Variants in ZNF593OS observed in about 807,000 individuals in gnomAD.
ZNF593OS encodes transmembrane protein ZNF593OS.
exon 2 of ZNF593OS, chr1:26,170,820 C>T (rs770545528): frequency 4.6e-5 from 66 of 1,423,902 alleles, no homozygotes; most frequent in Non-Finnish European, 6.0e-5. Context: ...GTTTGGGGAG[C>T]GGAGGGCCTC....
chr1:26,170,775 C>T (rs1264193774), exon 2 of ZNF593OS: 2 of 1,561,138 alleles, frequency 1.3e-6, no homozygotes, highest in African/African-American at 1.4e-5. Flanking sequence ...AAGGACTAGG[C>T]TGGGAGGGAG....
At position 26,171,725 on chromosome 1, in the gene ZNF593OS, T is replaced by G; in HGVS notation, c.-64A>C. ...GGAGCGGACGTGAAGACCAGTGGTCTTCATGACACCAAGAAGTGGAAACTA... is the reference window on the plus strand; with the variant it reads ...GGAGCGGACGTGAAGACCAGTGGTCGTCATGACACCAAGAAGTGGAAACTA... On this transcript the variant is annotated 5_prime_UTR_variant, in exon 1 of 2. Transcript: ENST00000648649. The surrounding 1 kb of genome is among the most constrained non-coding windows in gnomAD (Gnocchi z 5.5). 5.0e-6 allele frequency: 2 copies of G among 398,472 alleles called. No homozygotes were observed. The highest frequency in any genetic ancestry group is 8.8e-6 in the Non-Finnish European group (2 of 226,012). The allele number at this position is 398,472 out of a possible 1,614,324, so 24.7% of individuals were successfully genotyped here. A position where few individuals can be genotyped will look rare whatever the true frequency, so the allele number is the denominator to read the frequency against.
rs1046049244 is a variant in ZNF593OS at position 26,171,123 on chromosome 1, T to G, written c.*66A>C. On this transcript the variant is annotated 3_prime_UTR_variant, in exon 2 of 2. Transcript: ENST00000648649. The surrounding 1 kb of genome is among the most constrained non-coding windows in gnomAD (Gnocchi z 5.5). ...AGACTGATCCCCAGAAAAGAAGGCT[T>G]CTGAGATTGCACCCCCCTCCCGAGT... The G allele has an allele frequency of 1.7e-5, 7 of 410,576 alleles. No individual in the cohort carries two copies. Among genetic ancestry groups the G allele is most frequent in the Admixed American group, 4.0e-5 (1 of 24,952 alleles). The allele number at this position is 410,576 out of a possible 1,614,324, so 25.4% of individuals were successfully genotyped here. A position where few individuals can be genotyped will look rare whatever the true frequency, so the allele number is the denominator to read the frequency against.
chr1:26,170,978 T>C, exon 2 of ZNF593OS: 1 of 577,402 alleles, frequency 1.7e-6, no homozygotes, highest in Non-Finnish European at 3.1e-6. Flanking sequence ...ACTCCCCACT[T>C]GGTCTATCTC....
At chr1:26,170,733 A>C in exon 2 of ZNF593OS, 1 of 1,597,826 alleles carries the variant, frequency 6.3e-7, no homozygotes, top group Non-Finnish European at 8.5e-7. Context: ...CTGAAGATGC[A>C]GGGCAGAGGA....
At chr1:26,169,929 A>C (rs2088466902), downstream of ZNF593OS, 1 of 1,482,300 alleles carries the variant, frequency 6.7e-7, no homozygotes, top group African/African-American at 1.4e-5. Flanking sequence ...AAGTGCTCAC[A>C]CGTGTGCTCC....
At position 26,171,442 on chromosome 1, in the gene ZNF593OS, C is replaced by T. The variant is rs1000753732; in HGVS notation, c.46-107G>A. On this transcript the variant is annotated intron_variant, in intron 1 of 1. Coordinates refer to ENST00000648649, the Ensembl canonical transcript of ZNF593OS. This position sits in a 1 kb window ranked among gnomAD's most constrained non-coding sequence, Gnocchi z 5.5. ...TAGCTAGGGGAAGGAGACATGGACGCCGGTCCTGCCCCAGGGAGATTCCAC... is the reference window on the plus strand; with the variant it reads ...TAGCTAGGGGAAGGAGACATGGACGTCGGTCCTGCCCCAGGGAGATTCCAC... The T allele has an allele frequency of 1.3e-5, 5 of 398,686 alleles. No individual in the cohort carries two copies. Among genetic ancestry groups the T allele is most frequent in the Non-Finnish European group, 2.2e-5 (5 of 226,348 alleles). 24.7% of individuals were successfully genotyped at this position (398,686 alleles called of 1,614,324 possible).
chr1:26,170,601 A>C lies in ZNF593OS; in HGVS notation c.*588T>G. 1 of 1,613,754 alleles carries C rather than the reference A, an allele frequency of 6.2e-7. No individual in the cohort carries two copies. Among genetic ancestry groups the C allele is most frequent in the Admixed American group, 1.7e-5 (1 of 60,018 alleles). On this transcript the variant is annotated 3_prime_UTR_variant, in exon 2 of 2. Transcript: ENST00000648649. ...CTGAAGCAGCTGAGCGTCGAGCCCT[A>C]CAGTCAGGAAGAGGCGGAGAGGGCA...
Position 26,171,474 on chromosome 1 carries a change from C to G in ZNF593OS, c.46-139G>C. 2.5e-6 allele frequency: 1 copy of G among 398,578 alleles called. No homozygotes were observed. Among genetic ancestry groups the G allele is most frequent in the Non-Finnish European group, 4.4e-6 (1 of 226,184 alleles). 24.7% of individuals were successfully genotyped at this position (398,578 alleles called of 1,614,324 possible). A position where few individuals can be genotyped will look rare whatever the true frequency, so the allele number is the denominator to read the frequency against. On this transcript the variant is annotated intron_variant, in intron 1 of 1. Transcript: ENST00000648649. The surrounding 1 kb of genome is among the most constrained non-coding windows in gnomAD (Gnocchi z 5.5). ...TGCCCCAGGGAGATTCCACCCCAAT[C>G]CCTTTCGCCTCACTGCCCATCTGGG...
chr1:26,171,135 C>A lies in ZNF593OS; in HGVS notation c.*54G>T. 2.4e-6 allele frequency: 1 copy of A among 409,110 alleles called. No homozygotes were observed. The highest frequency in any genetic ancestry group is 4.3e-6 in the Non-Finnish European group (1 of 231,732). 25.3% of individuals were successfully genotyped at this position (409,110 alleles called of 1,614,324 possible). ...AGAAAAGAAGGCTTCTGAGATTGCA[C>A]CCCCCTCCCGAGTCACCTACCCCCA... On this transcript the variant is annotated 3_prime_UTR_variant, in exon 2 of 2. Coordinates refer to ENST00000648649, the Ensembl canonical transcript of ZNF593OS. This position sits in a 1 kb window ranked among gnomAD's most constrained non-coding sequence, Gnocchi z 5.5.
At chr1:26,169,703 C>G (rs1373127041), downstream of ZNF593OS, 1 of 493,694 alleles carries the variant, frequency 2.0e-6, no homozygotes, top group Non-Finnish European at 3.5e-6. Context: ...CCCGAAACCC[C>G]CAGGCGCACG....
chr1:26,169,923 G>A (rs2088466811), downstream of ZNF593OS: 8 of 1,470,940 alleles, frequency 5.4e-6, no homozygotes, highest in Non-Finnish European at 7.2e-6. Flanking sequence ...GCCCGGAAGT[G>A]CTCACACGTG....
At chr1:26,170,556 C>T (rs2088480463) in exon 2 of ZNF593OS, 1 of 1,613,912 alleles carries the variant, frequency 6.2e-7, no homozygotes, top group Admixed American at 1.7e-5. Flanking sequence ...CTCCCAACTC[C>T]TGTTTTTCTT....
At chr1:26,170,008 G>A (rs760458854), downstream of ZNF593OS, 10 of 1,556,650 alleles carry the variant, frequency 6.4e-6, no homozygotes, top group South Asian at 5.9e-5. Flanking sequence ...CCGGACAGGC[G>A]CGCACCGAGC....
exon 2 of ZNF593OS, chr1:26,170,653 C>CA: frequency 6.2e-7 from 1 of 1,612,462 alleles, no homozygotes; most frequent in East Asian, 2.2e-5. Flanking sequence ...ATGTGCCCCC[C>CA]AGGCGGCTGG....
chr1:26,169,753 T>TG (rs2088464345), downstream of ZNF593OS: 1 of 530,726 alleles, frequency 1.9e-6, no homozygotes, highest in East Asian at 3.4e-5. Context: ...CGCGGGGCCA[T>TG]GCCCTTCAGT....
downstream of ZNF593OS, chr1:26,169,966 G>C (rs2124497141): frequency 6.5e-7 from 1 of 1,529,422 alleles, no homozygotes; most frequent in African/African-American, 1.4e-5. Flanking sequence ...CCCTTGGCCG[G>C]CCGGGCTGTT....
chr1:26,169,814 C>T, downstream of ZNF593OS: 5 of 700,710 alleles, frequency 7.1e-6, no homozygotes, highest in Non-Finnish European at 1.1e-5. Flanking sequence ...CGTCGACGGC[C>T]GCCTGGCGGC....
chr1:26,169,920 A>G, downstream of ZNF593OS: 3 of 1,457,758 alleles, frequency 2.1e-6, no homozygotes, highest in South Asian at 2.7e-5. Flanking sequence ...TCGGCCCGGA[A>G]GTGCTCACAC....
Sources: allele counts gnomAD v4.1 joint callset, GRCh38; gene constraint gnomAD v4.1.1; non-coding constraint Gnocchi (gnomAD v3.1); transcripts MANE v1.5; gene names NCBI Gene and HGNC (gene_info 2026-07-23, HGNC 2026-07-21).